The following PDXK variants were observed in gnomAD, a reference collection of about 807,000 sequenced individuals.
PDXK encodes the protein pyridoxal kinase.
PDXK carries 15 observed loss-of-function variants against 43.2 expected under a neutral mutation model. That is an observed-to-expected ratio of 0.35 (90% confidence interval 0.23 to 0.53). The LOEUF is 0.53. PDXK is among the 20% of genes least tolerant of loss of function. The pLI, the probability that PDXK is intolerant of heterozygous loss-of-function variation, is 0.92. For synonymous variants in PDXK, 172 were observed against 165.4 expected, an observed-to-expected ratio of 1.04 and a Z score of -0.31; for missense variants, 343 against 417.0, an observed-to-expected ratio of 0.82 and a Z score of 1.54.
Position 43,734,335 on chromosome 21 carries a change from G to A in PDXK, c.142+212G>A, listed in dbSNP as rs2083370335. 6.6e-6 allele frequency among the ~76,000 whole-genome samples: 1 copy of A among 152,136 alleles called. No homozygotes were observed. Among genetic ancestry groups the A allele is most frequent in the African/African-American group, 2.4e-5 (1 of 41,420 alleles). On this transcript the variant is annotated intron_variant, in intron 2 of 10. Transcript: ENST00000291565. The surrounding 1 kb of genome is among the most constrained non-coding windows in gnomAD (Gnocchi z 5.0). Reference sequence around the variant, plus strand: ...TGGCCTCGCCTCTGAGAGGGGTTGTGTTGACTCAGCTTGGCTGCTTTGAGG... The same window carrying A: ...TGGCCTCGCCTCTGAGAGGGGTTGTATTGACTCAGCTTGGCTGCTTTGAGG...
chr21:43,750,400 G>A, intron 6 of PDXK, 100 bp from the exon 7 acceptor site: 1 of 1,045,308 alleles, frequency 9.6e-7, no homozygotes, highest in South Asian at 1.5e-5. Flanking sequence ...CTGTGGGGAT[G>A]GGGATTTCCA....
intron 1 of PDXK, among the ~76,000 whole-genome samples, chr21:43,726,108 ATTTC>A (rs1194835233): frequency 6.6e-6 from 1 of 151,514 alleles, no homozygotes; most frequent in Non-Finnish European, 1.5e-5. Context: ...TGTTTCTGGT[ATTTC>A]TTCTTTTTCT....
rs1429132989 is a variant in PDXK, at chr21:43,758,874, T to G, written c.*2811T>G. 1 of 152,240 alleles carries G rather than the reference T, an allele frequency of 6.6e-6. No homozygotes were observed. Among genetic ancestry groups the G allele is most frequent in the Non-Finnish European group, 1.5e-5 (1 of 68,036 alleles). 9.4% of individuals were successfully genotyped at this position (152,240 alleles called of 1,614,324 possible). On this transcript the variant is annotated 3_prime_UTR_variant, in exon 11 of 11. Coordinates refer to ENST00000291565, the MANE Select transcript of PDXK (RefSeq NM_003681.5). ...GATCCTTTTTAAAATCGATTTTAAA[T>G]TGTTGCCTAGTCCTGCCAAGGTTAT...
Position 43,754,783 on chromosome 21 carries a change from C to T in PDXK, c.760-915C>T, listed in dbSNP as rs1396934607. Among the ~76,000 whole-genome samples, 1 of 152,130 alleles carries T rather than the reference C, an allele frequency of 6.6e-6. No individual in the cohort carries two copies. The highest frequency in any genetic ancestry group is 1.5e-5 in the Non-Finnish European group (1 of 68,008). ...AGGTCAGGACCTGCAGGTGGCTCTC[C>T]CTGTGCTGTCTTTGCCGGGCCGCTT... On this transcript the variant is annotated intron_variant, in intron 9 of 10. Transcript: ENST00000291565. The surrounding 1 kb of genome is among the most constrained non-coding windows in gnomAD (Gnocchi z 5.5).
chr21:43,731,844 G>T (rs1350379846), intron 1 of PDXK, among the ~76,000 whole-genome samples: 32 of 152,342 alleles, frequency 2.1e-4, no homozygotes, highest in Non-Finnish European at 1.8e-4. Flanking sequence ...GGCAAAAAGG[G>T]AACACTGGTG....
Position 43,756,295 on chromosome 21 carries a change from G to A in PDXK, c.*232G>A. On this transcript the variant is annotated 3_prime_UTR_variant, in exon 11 of 11. Coordinates refer to ENST00000291565, the MANE Select transcript of PDXK (RefSeq NM_003681.5). ...GAAAACCCGGCTCCCTTCCCCACAA[G>A]GCTCCTGGGCCTCCGGGAAGACGGG... is the stretch of plus-strand genomic sequence containing the variant. The A allele has an allele frequency of 1.5e-5, 6 of 411,378 alleles. No homozygotes were observed. The highest frequency in any genetic ancestry group is 2.7e-5 in the Non-Finnish European group (6 of 224,438). The allele number at this position is 411,378 out of a possible 1,614,324, so 25.5% of individuals were successfully genotyped here. A position where few individuals can be genotyped will look rare whatever the true frequency, so the allele number is the denominator to read the frequency against.
chr21:43,732,323 GC>G lies in PDXK; in HGVS notation c.88-1740del. The stretch of plus-strand genomic sequence containing the variant: ...CTCCCGTCCTGGACCTTGGCACCCC[GC>G]CCCCCGTGCATTGTCGTCTTCTGAG... On this transcript the variant is annotated intron_variant, in intron 1 of 10. Coordinates refer to ENST00000291565, the MANE Select transcript of PDXK (RefSeq NM_003681.5). This position sits in a 1 kb window ranked among gnomAD's most constrained non-coding sequence, Gnocchi z 4.1. The G allele has an allele frequency of 6.2e-7, 1 of 1,603,806 alleles. No homozygotes were observed. Among genetic ancestry groups the G allele is most frequent in the Non-Finnish European group, 8.5e-7 (1 of 1,173,548 alleles).
At chr21:43,753,377 C>T (rs2083789391) in intron 8 of PDXK, among the ~76,000 whole-genome samples, 1 of 152,192 alleles carries the variant, frequency 6.6e-6, no homozygotes, top group African/African-American at 2.4e-5. Flanking sequence ...CCGTGTGGCC[C>T]TCTGAGGGTG....
chr21:43,724,148 G>A (rs1242024811), intron 1 of PDXK, among the ~76,000 whole-genome samples: 2 of 152,320 alleles, frequency 1.3e-5, no homozygotes, highest in East Asian at 3.9e-4. Context: ...CGTCGGTGCG[G>A]AGCAGACCTG....
rs2083185060 is a variant in PDXK at position 43,719,131 on chromosome 21, C to T, written c.-164C>T. The T allele has an allele frequency of 1.3e-5, 4 of 302,754 alleles. No individual in the cohort carries two copies. The Admixed American group carries it at 2.1e-4, about 16-fold the overall frequency. The allele number at this position is 302,754 out of a possible 1,614,324, so 18.8% of individuals were successfully genotyped here. On this transcript the variant is annotated 5_prime_UTR_variant, in exon 1 of 11. Transcript: ENST00000291565. ...CGGGTTCGGAGCCGCCCGCTGAGGT[C>T]AGAAGGAGGCGTCTGCGCTGATCGG... is the stretch of plus-strand genomic sequence containing the variant.
chr21:43,730,816 G>A (rs2083308311), intron 1 of PDXK, among the ~76,000 whole-genome samples: 1 of 152,104 alleles, frequency 6.6e-6, no homozygotes, highest in Admixed American at 6.6e-5. Context: ...TTAGCCAGGT[G>A]TGGCAGCACG....
At chr21:43,720,307 GGT>G (rs2083196560) in intron 1 of PDXK, among the ~76,000 whole-genome samples, 1 of 152,208 alleles carries the variant, frequency 6.6e-6, no homozygotes, top group African/African-American at 2.4e-5. Flanking sequence ...GACGGGAGCA[GGT>G]ATGCCTGGTC....
intron 6 of PDXK, among the ~76,000 whole-genome samples, chr21:43,749,340 G>A (rs1419904725): frequency 6.6e-6 from 1 of 152,210 alleles, no homozygotes; most frequent in Admixed American, 6.5e-5. Context: ...CCTGACCTCA[G>A]GTGATCCACC....
chr21:43,756,130 G>A lies in PDXK; in HGVS notation c.*67G>A. 1 of 915,794 alleles carries A rather than the reference G, an allele frequency of 1.1e-6. No individual in the cohort carries two copies. Among genetic ancestry groups the A allele is most frequent in the South Asian group, 1.4e-5 (1 of 70,794 alleles). The allele number at this position is 915,794 out of a possible 1,614,324, so 56.7% of individuals were successfully genotyped here. ...TCCGTGTTTGTCCCTGTGAAAACAT[G>A]TAACGTCTGCCTTAGAGCCATGACC... On this transcript the variant is annotated 3_prime_UTR_variant, in exon 11 of 11. Transcript: ENST00000291565.
intron 3 of PDXK, among the ~76,000 whole-genome samples, chr21:43,742,676 A>G (rs1215916280): frequency 6.6e-6 from 1 of 152,100 alleles, no homozygotes; most frequent in Non-Finnish European, 1.5e-5. Context: ...CAGGAGTTCA[A>G]AACCAGCCTG....
rs1385800696 is a variant in PDXK, at chr21:43,759,213, A to G, written c.*3150A>G. On this transcript the variant is annotated 3_prime_UTR_variant, in exon 11 of 11. Coordinates refer to ENST00000291565, the MANE Select transcript of PDXK (RefSeq NM_003681.5). ...TCTCGTGCCTGGTGTCAGAGAAGGCAGAGCCCACAGTAGGTGCACGGTGCA... is the reference window on the plus strand; with the variant it reads ...TCTCGTGCCTGGTGTCAGAGAAGGCGGAGCCCACAGTAGGTGCACGGTGCA... 1 of 153,012 alleles carries G rather than the reference A, an allele frequency of 6.5e-6. No homozygotes were observed. Among genetic ancestry groups the G allele is most frequent in the African/African-American group, 2.4e-5 (1 of 41,468 alleles). 9.5% of individuals were successfully genotyped at this position (153,012 alleles called of 1,614,324 possible).
intron 1 of PDXK, chr21:43,719,689 G>C (rs1029417897): frequency 2.0e-6 from 2 of 985,344 alleles, no homozygotes; most frequent in African/African-American, 1.7e-5. Flanking sequence ...CCCGCCGACC[G>C]GGCCAACTGC....
rs756738597 is a variant in PDXK, at chr21:43,755,650, G to A, written c.760-48G>A. 3.5e-6 allele frequency: 5 copies of A among 1,447,200 alleles called. No homozygotes were observed. The South Asian group carries it at 4.5e-5, about 13-fold the overall frequency. 89.6% of individuals were successfully genotyped at this position (1,447,200 alleles called of 1,614,324 possible). A position where few individuals can be genotyped will look rare whatever the true frequency, so the allele number is the denominator to read the frequency against. On this transcript the variant is annotated intron_variant, in intron 9 of 10. Transcript: ENST00000291565. The stretch of plus-strand genomic sequence containing the variant: ...CCCTCCTGGCAGCAGTGGGCACGTC[G>A]GGTGTTGTGAGTGGGCCAGGGGCAC...
intron 1 of PDXK, among the ~76,000 whole-genome samples, chr21:43,725,703 C>T (rs1056011097): frequency 1.3e-5 from 2 of 151,824 alleles, no homozygotes; most frequent in African/African-American, 4.8e-5. Flanking sequence ...CCCAGCTACT[C>T]AGGAGGGTGA....
Sources: allele counts gnomAD v4.1 joint callset (sites outside exome capture counted in the v4.1 genomes callset), GRCh38; gene constraint gnomAD v4.1.1; non-coding constraint Gnocchi (gnomAD v3.1); transcripts MANE v1.5; gene names NCBI Gene and HGNC (gene_info 2026-07-23, HGNC 2026-07-21).